Variants in GOLGA7 observed in about 807,000 individuals in gnomAD.
GOLGA7 encodes golgin A7.
Under a neutral mutation model 21.1 loss-of-function variants are expected in GOLGA7, and 10 were observed. That is an observed-to-expected ratio of 0.47 (90% CI 0.29 to 0.80). The LOEUF (loss-of-function observed/expected upper bound fraction) is 0.80, where lower values mean the gene tolerates loss of function less well. GOLGA7 is among the 30% of genes least tolerant of loss of function. The pLI, the probability that GOLGA7 is intolerant of heterozygous loss-of-function variation, is 0.08. For synonymous variants in GOLGA7, 64 were observed against 62.6 expected (o/e 1.02, Z -0.10); for missense variants, 114 against 166.8 (o/e 0.68, Z 1.74).
At position 41,503,206 on chromosome 8, in the gene GOLGA7, T is replaced by TAA. The variant is rs35017365; in HGVS notation, c.265-2693_265-2692dup. Among the ~76,000 whole-genome samples, 584 of 148,548 alleles carry TAA rather than the reference T, an allele frequency of 3.9e-3. 3 individuals are homozygous for TAA. Among genetic ancestry groups the TAA allele is most frequent in the Middle Eastern group, 0.014 (4 of 288 alleles). On this transcript the variant is annotated intron_variant, in intron 2 of 4. Coordinates refer to ENST00000357743, the MANE Select transcript of GOLGA7 (RefSeq NM_001002296.2). The stretch of plus-strand genomic sequence containing the variant: ...TGCATATCAATGTTACTAAAGTTTA[T>TAA]AAAAAAAAAAAAAGTGTCTGTTCAT...
In GOLGA7 at chr8:41,506,007, C is replaced by T; in HGVS notation, c.361C>T (p.Arg121Ter). 1 of 1,480,974 alleles carries T rather than the reference C, an allele frequency of 6.8e-7. No individual in the cohort carries two copies. Among genetic ancestry groups the T allele is most frequent in the Non-Finnish European group, 9.4e-7 (1 of 1,067,876 alleles). 91.7% of individuals were successfully genotyped at this position (1,480,974 alleles called of 1,614,324 possible). A position where few individuals can be genotyped will look rare whatever the true frequency, so the allele number is the denominator to read the frequency against. Residue 121 changes from arginine to a stop codon, truncating the protein, a stop_gained, in exon 3 of 5, where the codon CGA becomes TGA. Coordinates refer to ENST00000357743, the MANE Select transcript of GOLGA7 (RefSeq NM_001002296.2). LOFTEE classifies it high-confidence loss of function. The part of the protein sequence containing the change: ...LLTDPIERGL[R>*]VIEITIYEDR... ...GACAGACCCTATTGAGCGAGGACTGCGAGTTGTATCTTTTTAGTTCGGATC... is the reference window on the plus strand; with the variant it reads ...GACAGACCCTATTGAGCGAGGACTGTGAGTTGTATCTTTTTAGTTCGGATC...
At position 41,504,131 on chromosome 8, in the gene GOLGA7, A is replaced by AC. The variant is rs1563419482; in HGVS notation, c.265-1780_265-1779insC. ...AACTTAGAGTATAATAAAAAAAAAAAAAAAACAAAACAAAACAAAAAAAAA... is the reference window on the plus strand; with the variant it reads ...AACTTAGAGTATAATAAAAAAAAAAACAAAAACAAAACAAAACAAAAAAAAA... On this transcript the variant is annotated intron_variant, in intron 2 of 4. Coordinates refer to ENST00000357743, the MANE Select transcript of GOLGA7 (RefSeq NM_001002296.2). 5.3e-5 allele frequency among the ~76,000 whole-genome samples: 7 copies of AC among 131,864 alleles called. No homozygotes were observed. The South Asian group carries it at 1.1e-3, about 21-fold the overall frequency. 86.5% of individuals were successfully genotyped at this position (131,864 alleles called of 152,430 possible). A position where few individuals can be genotyped will look rare whatever the true frequency, so the allele number is the denominator to read the frequency against.
At position 41,497,929 on chromosome 8, in the gene GOLGA7, C is replaced by A. The variant is rs375304462; in HGVS notation, c.264+268C>A. Among the ~76,000 whole-genome samples the A allele has an allele frequency of 8.5e-5, 13 of 152,292 alleles. No individual in the cohort carries two copies. In the South Asian group the frequency reaches 1.7e-3, roughly 19 times the overall value. ...AGAAAATCTATATGTTCTCTTCCTA[C>A]TCAGCTTTCTGGGAATGTTTTTACT... On this transcript the variant is annotated intron_variant, in intron 2 of 4. Transcript: ENST00000357743.
Position 41,510,911 on chromosome 8 carries a change from T to C in GOLGA7, c.*1343T>C, listed in dbSNP as rs1212233897. ...TTACTTTACAGCCTGTAATAGTGTG[T>C]CTGCATTTTCAACCTGTTGCAATAA... On this transcript the variant is annotated 3_prime_UTR_variant, in exon 5 of 5. Coordinates refer to ENST00000357743, the MANE Select transcript of GOLGA7 (RefSeq NM_001002296.2). 1 of 165,924 alleles carries C rather than the reference T, an allele frequency of 6.0e-6. No homozygotes were observed. Among genetic ancestry groups the C allele is most frequent in the African/African-American group, 2.4e-5 (1 of 41,568 alleles). The allele number at this position is 165,924 out of a possible 1,614,324, so 10.3% of individuals were successfully genotyped here.
intron 4 of GOLGA7, among the ~76,000 whole-genome samples, chr8:41,508,554 G>T (rs1585607888): frequency 6.6e-6 from 1 of 152,284 alleles, no homozygotes; most frequent in Admixed American, 6.5e-5. Flanking sequence ...CCATGCCATG[G>T]TTTGTATATC....
At position 41,490,828 on chromosome 8, in the gene GOLGA7, C is replaced by T. The variant is rs1408019921; in HGVS notation, c.-27C>T. ...CTCGCGGTTGGTGTTCCCCCGACCC[C>T]GCAGCGCGGGGTGTCCTGTCCTCGC... On this transcript the variant is annotated 5_prime_UTR_variant, in exon 1 of 5. Coordinates refer to ENST00000357743, the MANE Select transcript of GOLGA7 (RefSeq NM_001002296.2). 13 of 1,405,470 alleles carry T rather than the reference C, an allele frequency of 9.2e-6. No homozygotes were observed. The highest frequency in any genetic ancestry group is 2.4e-5 in the East Asian group (1 of 40,922). The allele number at this position is 1,405,470 out of a possible 1,614,324, so 87.1% of individuals were successfully genotyped here. A position where few individuals can be genotyped will look rare whatever the true frequency, so the allele number is the denominator to read the frequency against.
In GOLGA7 at chr8:41,497,668, C is replaced by A; in HGVS notation, c.264+7C>A. 2 of 1,468,716 alleles carry A rather than the reference C, an allele frequency of 1.4e-6. No homozygotes were observed. Among genetic ancestry groups the A allele is most frequent in the Non-Finnish European group, 1.9e-6 (2 of 1,063,312 alleles). The allele number at this position is 1,468,716 out of a possible 1,614,324, so 91.0% of individuals were successfully genotyped here. A position where few individuals can be genotyped will look rare whatever the true frequency, so the allele number is the denominator to read the frequency against. Reference sequence around the variant, plus strand: ...GGAAACTCATTATGAGAAGGTAATGCTACATTTGTTTTCACAAAAATCTCT... The same window carrying A: ...GGAAACTCATTATGAGAAGGTAATGATACATTTGTTTTCACAAAAATCTCT... On this transcript the variant is annotated splice_region_variant and intron_variant, in intron 2 of 4. Transcript: ENST00000357743.
chr8:41,491,825 G>A lies in GOLGA7; in HGVS notation c.111+860G>A, dbSNP rs181508993. Among the ~76,000 whole-genome samples the A allele has an allele frequency of 5.3e-5, 8 of 152,280 alleles. No individual in the cohort carries two copies. In the East Asian group the frequency reaches 1.4e-3, roughly 26 times the overall value. On this transcript the variant is annotated intron_variant, in intron 1 of 4. Transcript: ENST00000357743. ...TATGTAGATTGTGTTTCCCGTTCAG[G>A]GATCAATTTCTGGTTAGCTGGAAGC...
intron 3 of GOLGA7, 69 bp downstream of exon 3, chr8:41,506,081 T>A (rs1806280596): frequency 2.5e-6 from 2 of 804,952 alleles, no homozygotes; most frequent in East Asian, 5.1e-5. Flanking sequence ...TGTTTGGCAT[T>A]GGCTAGAGAG....
rs762143198 is a variant in GOLGA7 at position 41,506,049 on chromosome 8, T to C, written c.366+37T>C. ...GTTCGGATCAGAAAGTCTAAATATT[T>C]ATAACAAGAAAATGTTGATATTGTT... On this transcript the variant is annotated intron_variant, in intron 3 of 4. Transcript: ENST00000357743. 3.0e-6 allele frequency: 3 copies of C among 1,012,182 alleles called. No individual in the cohort carries two copies. In the South Asian group the frequency reaches 4.2e-5, roughly 14 times the overall value. The allele number at this position is 1,012,182 out of a possible 1,614,324, so 62.7% of individuals were successfully genotyped here. A position where few individuals can be genotyped will look rare whatever the true frequency, so the allele number is the denominator to read the frequency against.
intron 1 of GOLGA7, among the ~76,000 whole-genome samples, chr8:41,494,074 C>G (rs1282188544): frequency 6.6e-6 from 1 of 152,036 alleles, no homozygotes; most frequent in Non-Finnish European, 1.5e-5. Context: ...ACCATTTATC[C>G]TTTCTTTTTC....
intron 1 of GOLGA7, among the ~76,000 whole-genome samples, chr8:41,495,395 C>G (rs1805986305): frequency 6.6e-6 from 1 of 151,586 alleles, no homozygotes; most frequent in Non-Finnish European, 1.5e-5. Context: ...AGCAATCCTC[C>G]CACCTCAGCC....
In GOLGA7 at chr8:41,490,618, G is replaced by A. The variant is rs1805854334; in HGVS notation, c.-237G>A. 5 of 521,928 alleles carry A rather than the reference G, an allele frequency of 9.6e-6. No homozygotes were observed. The highest frequency in any genetic ancestry group is 1.7e-5 in the Non-Finnish European group (5 of 295,198). 32.3% of individuals were successfully genotyped at this position (521,928 alleles called of 1,614,324 possible). A position where few individuals can be genotyped will look rare whatever the true frequency, so the allele number is the denominator to read the frequency against. ...AGCAGCTGGAGGGCAGAGGAGGCGG[G>A]TTTGTGTTTCCCGGGCCGAACCGGG... On this transcript the variant is annotated 5_prime_UTR_variant, in exon 1 of 5. Transcript: ENST00000357743.
At chr8:41,506,275 G>A (rs1008803201) in intron 3 of GOLGA7, among the ~76,000 whole-genome samples, 3 of 152,066 alleles carry the variant, frequency 2.0e-5, no homozygotes, top group African/African-American at 7.2e-5. Flanking sequence ...AGGGCATCTT[G>A]TAGTAATAAT....
At chr8:41,490,576 G>A (rs1805852624), upstream of GOLGA7, 3 of 443,044 alleles carry the variant, frequency 6.8e-6, no homozygotes, top group Admixed American at 8.1e-5. Flanking sequence ...CGTAAGTGAC[G>A]GCGAAGGCGG....
chr8:41,491,115 G>A, intron 1 of GOLGA7, 150 bp downstream of exon 1: 1 of 622,568 alleles, frequency 1.6e-6, no homozygotes, highest in East Asian at 2.7e-5. Context: ...CGTGTAAGAA[G>A]AGAGCCACTA....
At chr8:41,502,106 ATAAT>A (rs1320639340) in intron 2 of GOLGA7, among the ~76,000 whole-genome samples, 1 of 152,256 alleles carries the variant, frequency 6.6e-6, no homozygotes, top group African/African-American at 2.4e-5. Flanking sequence ...CTGAACATGG[ATAAT>A]TAGATTGTGC....
intron 2 of GOLGA7, among the ~76,000 whole-genome samples, chr8:41,503,463 T>G (rs2150444917): frequency 1.0e-5 from 1 of 100,032 alleles, no homozygotes; most frequent in African/African-American, 3.9e-5. Flanking sequence ...TTGCTTTTGG[T>G]GTTTTGGACA....
intron 1 of GOLGA7, among the ~76,000 whole-genome samples, chr8:41,494,584 C>T (rs1805961848): frequency 6.6e-6 from 1 of 152,160 alleles, no homozygotes; most frequent in Non-Finnish European, 1.5e-5. Flanking sequence ...TCTCCTCAGT[C>T]TGTTTTCGTG....
Sources: gnomAD v4.1 joint callset for allele counts (sites outside exome capture counted in the v4.1 genomes callset) on GRCh38, gnomAD v4.1.1 for gene constraint, MANE v1.5 for transcripts, NCBI Gene and HGNC (gene_info 2026-07-23, HGNC 2026-07-21) for gene names.